The following EYS variants were observed in gnomAD, a reference collection of about 807,000 sequenced individuals.
EYS encodes protein eyes shut homolog.
A neutral mutation model predicts 282.1 loss-of-function variants in EYS; 250 were observed. The observed-to-expected ratio is 0.89, with a 90% CI of 0.80 to 0.98. EYS has a LOEUF of 0.98. EYS is among the 50% of genes least tolerant of loss of function. The probability of loss-of-function intolerance (pLI) is 0.00; values close to 1 mark genes in which losing one functional copy is unlikely to be tolerated. For missense variants in EYS, 4,016 were observed against 3,709.0 expected (o/e 1.08, Z -2.15); for synonymous variants, 1,355 against 1,282.9 (o/e 1.06, Z -1.20).
intron 26 of EYS, among the ~76,000 whole-genome samples, chr6:64,485,832 G>A (rs573771689): frequency 2.0e-5 from 3 of 151,184 alleles, no homozygotes; most frequent in Non-Finnish European, 4.4e-5. Flanking sequence ...TGGGCCTAAG[G>A]GTTATTGAAG....
chr6:65,504,281 T>C (rs1395233582), intron 2 of EYS, among the ~76,000 whole-genome samples: 1 of 151,740 alleles, frequency 6.6e-6, no homozygotes, highest in Non-Finnish European at 1.5e-5. Flanking sequence ...GTTGACTTTG[T>C]ATACAGTATT....
At chr6:64,467,602 A>G (rs1174061315) in intron 26 of EYS, among the ~76,000 whole-genome samples, 1 of 152,072 alleles carries the variant, frequency 6.6e-6, no homozygotes, top group East Asian at 1.9e-4. Flanking sequence ...GGGAAGGACC[A>G]CCCCACTTAT....
intron 2 of EYS, among the ~76,000 whole-genome samples, chr6:65,549,092 A>G (rs748467227): frequency 1.3e-5 from 2 of 152,160 alleles, no homozygotes; most frequent in Admixed American, 1.3e-4. Flanking sequence ...CTCAGGCAGT[A>G]ATGCTCTCTC....
intron 2 of EYS, among the ~76,000 whole-genome samples, chr6:65,635,841 G>A (rs1043894697): frequency 6.6e-6 from 1 of 152,142 alleles, no homozygotes; most frequent in African/African-American, 2.4e-5. Context: ...AAGCAACTCC[G>A]CTTAAGAGGA....
chr6:64,750,030 G>A (rs1010786091), intron 22 of EYS, among the ~76,000 whole-genome samples: 7 of 151,774 alleles, frequency 4.6e-5, no homozygotes, highest in Non-Finnish European at 7.4e-5. Context: ...TTTGTCATTT[G>A]GGATTAATTT....
intron 24 of EYS, among the ~76,000 whole-genome samples, chr6:64,612,284 C>T (rs906925778): frequency 1.3e-5 from 2 of 152,006 alleles, no homozygotes; most frequent in Non-Finnish European, 2.9e-5. Flanking sequence ...ACACTTTCAT[C>T]GACTCTATCA....
At chr6:64,351,927 C>T (rs960430224) in intron 29 of EYS, among the ~76,000 whole-genome samples, 3 of 151,426 alleles carry the variant, frequency 2.0e-5, no homozygotes, top group Non-Finnish European at 3.0e-5. Flanking sequence ...TATCAGGGAA[C>T]GAAATAATAC....
chr6:65,255,482 C>A (rs1048294789), intron 12 of EYS, among the ~76,000 whole-genome samples: 1 of 151,888 alleles, frequency 6.6e-6, no homozygotes, highest in Non-Finnish European at 1.5e-5. Context: ...ATCCCATAAG[C>A]CCAGGCAACC....
intron 12 of EYS, among the ~76,000 whole-genome samples, chr6:65,164,688 G>C (rs1302851380): frequency 6.6e-6 from 1 of 151,280 alleles, no homozygotes; most frequent in Admixed American, 6.6e-5. Context: ...CTAAGCAACA[G>C]AAATCAATTG....
intron 33 of EYS, among the ~76,000 whole-genome samples, chr6:64,023,373 G>A (rs1474483297): frequency 2.0e-5 from 3 of 152,190 alleles, no homozygotes. Flanking sequence ...GGGTGGAATT[G>A]TGGGGGTCAT....
At chr6:64,266,984 G>A (rs1327158578) in intron 30 of EYS, among the ~76,000 whole-genome samples, 1 of 152,052 alleles carries the variant, frequency 6.6e-6, no homozygotes, top group Non-Finnish European at 1.5e-5. Context: ...ATTTAAAAAA[G>A]CAAGAAAATA....
chr6:64,936,315 C>G (rs1023321477), intron 15 of EYS, among the ~76,000 whole-genome samples: 10 of 151,256 alleles, frequency 6.6e-5, no homozygotes, highest in Non-Finnish European at 1.3e-4. Flanking sequence ...GTAAAGTGTC[C>G]CATGAAAAAT....
chr6:64,719,455 G>A (rs7762352), intron 22 of EYS, among the ~76,000 whole-genome samples: 12,446 of 152,102 alleles, frequency 0.082, 1,377 homozygotes, highest in African/African-American at 0.24. Context: ...AACTAAAAAT[G>A]TTATATTTTA....
chr6:63,806,289 T>C lies in EYS; in HGVS notation c.7312A>G (p.Ile2438Val). ...SFLAYSRISD[I>V]SFHYEFHLKF... The stretch of plus-strand genomic sequence containing the variant: ...AGGTGGAATTCATAATGGAAGCTGA[T>C]GTCTGAGATCCGTGAATAAGCCAGG... The change falls in exon 37 of 43, where the codon ATC becomes GTC. Residue 2438 changes from isoleucine (I) to valine (V), a missense_variant. Coordinates refer to ENST00000503581, the MANE Select transcript of EYS (RefSeq NM_001142800.2). The C allele has an allele frequency of 1.3e-6, 2 of 1,551,686 alleles. No homozygotes were observed. The highest frequency in any genetic ancestry group is 1.2e-5 in the South Asian group (1 of 84,060).
intron 19 of EYS, among the ~76,000 whole-genome samples, chr6:64,827,127 A>G (rs1765084956): frequency 6.6e-6 from 1 of 151,878 alleles, no homozygotes; most frequent in Non-Finnish European, 1.5e-5. Flanking sequence ...ATGATGGTAA[A>G]TCATAGCTAA....
At chr6:64,224,254 T>G (rs553295374) in intron 31 of EYS, among the ~76,000 whole-genome samples, 79 of 152,192 alleles carry the variant, frequency 5.2e-4, no homozygotes, top group African/African-American at 1.9e-3. Flanking sequence ...AAAAGAGTTT[T>G]CATCCTATTT....
rs1231101799 is a variant in EYS, at chr6:63,721,668, G to C, written c.8363C>G (p.Ala2788Gly). 6.4e-7 allele frequency: 1 copy of C among 1,551,246 alleles called. No homozygotes were observed. Residue 2788 changes from alanine (A) to glycine (G), a missense_variant, in exon 43 of 43, where the codon GCA (alanine) becomes GGA (glycine). Coordinates refer to ENST00000503581, the MANE Select transcript of EYS (RefSeq NM_001142800.2). ...GTAGCCTTCTGCACCAACTCTTCCT[G>C]CTTTTATTATATGCCAAGTACTTCC... ...INGSTWHIIKAGRVGAEGYLD... is the reference protein window; with the variant it reads ...INGSTWHIIKGGRVGAEGYLD...
At chr6:65,045,810 G>C (rs556524033) in intron 13 of EYS, among the ~76,000 whole-genome samples, 2 of 151,890 alleles carry the variant, frequency 1.3e-5, no homozygotes, top group African/African-American at 4.8e-5. Flanking sequence ...AGAATGGCTA[G>C]GGATGTAGCT....
intron 14 of EYS, among the ~76,000 whole-genome samples, chr6:64,951,986 G>A (rs1344428427): frequency 1.3e-5 from 2 of 151,850 alleles, no homozygotes; most frequent in African/African-American, 4.8e-5. Context: ...TGAGACCTAT[G>A]CTGGATACAT....
Sources: gnomAD v4.1 joint callset for allele counts (sites outside exome capture counted in the v4.1 genomes callset) on GRCh38, gnomAD v4.1.1 for gene constraint, MANE v1.5 for transcripts, NCBI Gene and HGNC (gene_info 2026-07-23, HGNC 2026-07-21) for gene names.